The following SPATA9 variants were observed in gnomAD, a reference collection of about 807,000 sequenced individuals.
SPATA9 encodes spermatogenesis-associated protein 9.
Under a neutral mutation model 25.5 loss-of-function variants are expected in SPATA9, and 27 were observed. The ratio of observed to expected loss-of-function variants is 1.06; its 90% CI spans 0.78 to 1.46. The LOEUF is 1.46. Among genes scored for constraint, SPATA9 ranks in the 40% most tolerant of loss-of-function variants. The probability of loss-of-function intolerance (pLI) is 0.00; values close to 1 mark genes in which losing one functional copy is unlikely to be tolerated. For missense variants in SPATA9, 282 were observed against 297.5 expected (o/e 0.95, Z 0.38); for synonymous variants, 102 against 105.7 (o/e 0.97, Z 0.21).
intron 4 of SPATA9, among the ~76,000 whole-genome samples, chr5:95,659,144 A>G (rs1751014796): frequency 6.6e-6 from 1 of 152,284 alleles, no homozygotes; most frequent in South Asian, 2.1e-4. Context: ...TTCAATAAAT[A>G]TATGTTTTAC....
chr5:95,704,324 C>T, the SPATA9 span, among the ~76,000 whole-genome samples: 1 of 152,154 alleles, frequency 6.6e-6, no homozygotes, highest in Admixed American at 6.6e-5. Flanking sequence ...ATTCTATTAG[C>T]TCTGGGTATT....
chr5:95,714,831 A>G, the SPATA9 span, among the ~76,000 whole-genome samples: 10 of 152,176 alleles, frequency 6.6e-5, no homozygotes, highest in African/African-American at 2.4e-4. Context: ...TTCCCTTTAT[A>G]ATAACATCTA....
chr5:95,694,272 T>C (rs1753958617), intron 1 of SPATA9, among the ~76,000 whole-genome samples: 1 of 152,230 alleles, frequency 6.6e-6, no homozygotes, highest in Non-Finnish European at 1.5e-5. Context: ...ATTTATCTAC[T>C]TAGATGGTAA....
intron 1 of SPATA9, among the ~76,000 whole-genome samples, chr5:95,692,912 C>T (rs899817356): frequency 6.6e-6 from 1 of 152,092 alleles, no homozygotes; most frequent in Non-Finnish European, 1.5e-5. Context: ...TTACTCTAGT[C>T]AAATAATGCA....
chr5:95,724,436 A>T, the SPATA9 span, among the ~76,000 whole-genome samples: 1 of 152,244 alleles, frequency 6.6e-6, no homozygotes, highest in African/African-American at 2.4e-5. Flanking sequence ...GGAGTTAGAA[A>T]ATTCTATAAG....
At chr5:95,675,351 GT>G in intron 3 of SPATA9, 60 bp downstream of exon 3, 1 of 1,388,602 alleles carries the variant, frequency 7.2e-7, no homozygotes, top group Non-Finnish European at 9.8e-7. Flanking sequence ...TATTTTTCAA[GT>G]TTTGCAAATT....
the SPATA9 span, among the ~76,000 whole-genome samples, chr5:95,721,703 A>T: frequency 6.6e-6 from 1 of 151,904 alleles, no homozygotes; most frequent in Non-Finnish European, 1.5e-5. Flanking sequence ...TAAAAAAAAA[A>T]AAAAAGGAAC....
At chr5:95,661,823 C>T (rs1170606113) in intron 4 of SPATA9, among the ~76,000 whole-genome samples, 1 of 151,914 alleles carries the variant, frequency 6.6e-6, no homozygotes, top group Non-Finnish European at 1.5e-5. Flanking sequence ...AGTCAACTTA[C>T]ATACACACAC....
chr5:95,675,362 T>G (rs1422032860), intron 3 of SPATA9, 50 bp downstream of exon 3: 2 of 1,501,614 alleles, frequency 1.3e-6, no homozygotes, highest in South Asian at 2.5e-5. Flanking sequence ...TTTTGCAAAT[T>G]TAAAAGTTTC....
chr5:95,724,348 A>C, the SPATA9 span, among the ~76,000 whole-genome samples: 1 of 152,266 alleles, frequency 6.6e-6, no homozygotes, highest in Non-Finnish European at 1.5e-5. Flanking sequence ...TCTGAAACTA[A>C]TCAGAAGTGT....
chr5:95,709,577 T>G, the SPATA9 span, among the ~76,000 whole-genome samples: 3 of 152,084 alleles, frequency 2.0e-5, no homozygotes, highest in Admixed American at 6.5e-5. Context: ...ATGGACGAGG[T>G]GAAGGCAGGT....
intron 1 of SPATA9, among the ~76,000 whole-genome samples, chr5:95,695,515 T>C (rs1004878935): frequency 2.0e-5 from 3 of 152,114 alleles, no homozygotes; most frequent in Admixed American, 6.5e-5. Flanking sequence ...GGAGAATCGC[T>C]TGGACCCAGG....
chr5:95,679,213 C>T (rs898060484), intron 2 of SPATA9, among the ~76,000 whole-genome samples: 8 of 152,044 alleles, frequency 5.3e-5, no homozygotes, highest in African/African-American at 1.7e-4. Flanking sequence ...AACTTGAAAA[C>T]GATAACAAGG....
At chr5:95,693,395 T>G (rs1237406208) in intron 1 of SPATA9, among the ~76,000 whole-genome samples, 2 of 151,932 alleles carry the variant, frequency 1.3e-5, no homozygotes, top group African/African-American at 4.8e-5. Context: ...GCAATAAAAA[T>G]GAATGAATTA....
At chr5:95,652,486 C>A (rs1750401796), downstream of SPATA9, 1 of 927,706 alleles carries the variant, frequency 1.1e-6, no homozygotes, top group Non-Finnish European at 1.5e-6. Flanking sequence ...ATATATAGCT[C>A]TTGATTTTCC....
At chr5:95,725,811 T>C in the SPATA9 span, among the ~76,000 whole-genome samples, 3 of 151,366 alleles carry the variant, frequency 2.0e-5, no homozygotes, top group Non-Finnish European at 4.4e-5. Context: ...AATTCTTCTT[T>C]TTTTTTTTTT....
At position 95,664,058 on chromosome 5, in the gene SPATA9, CA is replaced by C; in HGVS notation, c.379-11del. The C allele has an allele frequency of 1.3e-6, 2 of 1,504,972 alleles. No individual in the cohort carries two copies. Among genetic ancestry groups the C allele is most frequent in the Non-Finnish European group, 1.8e-6 (2 of 1,114,426 alleles). The allele number at this position is 1,504,972 out of a possible 1,614,324, so 93.2% of individuals were successfully genotyped here. Reference sequence around the variant, plus strand: ...AAGAACCCTTTCTGACCTGCAAAAACAGAAAAGATTTTCTTAATAAACAAAC... The same window carrying C: ...AAGAACCCTTTCTGACCTGCAAAAACGAAAAGATTTTCTTAATAAACAAAC... On this transcript the variant is annotated splice_polypyrimidine_tract_variant and intron_variant, in intron 3 of 4. Coordinates refer to ENST00000274432, the MANE Select transcript of SPATA9 (RefSeq NM_031952.4).
intron 4 of SPATA9, among the ~76,000 whole-genome samples, chr5:95,663,526 C>A (rs1751473732): frequency 6.6e-6 from 1 of 151,602 alleles, no homozygotes; most frequent in Non-Finnish European, 1.5e-5. Context: ...AAAATAAAAC[C>A]CTTATAATTA....
chr5:95,686,678 T>G (rs1258216328), upstream of SPATA9, among the ~76,000 whole-genome samples: 1 of 152,170 alleles, frequency 6.6e-6, no homozygotes, highest in Non-Finnish European at 1.5e-5. Context: ...AAATCCTACA[T>G]GCATGAGACT....
Sources: allele counts gnomAD v4.1 joint callset (sites outside exome capture counted in the v4.1 genomes callset), GRCh38; gene constraint gnomAD v4.1.1; transcripts MANE v1.5; gene names NCBI Gene and HGNC (gene_info 2026-07-23, HGNC 2026-07-21).